The following WNT9B variants were observed in gnomAD, a reference collection of about 807,000 sequenced individuals.
WNT9B encodes protein Wnt-9b.
A neutral mutation model predicts 30.2 loss-of-function variants in WNT9B; 12 were observed. That is an observed-to-expected ratio of 0.40 (90% CI 0.26 to 0.64). The LOEUF is 0.64. Ranked by LOEUF, WNT9B falls within the 30% of genes least tolerant of loss-of-function variation. The probability of loss-of-function intolerance (pLI) is 0.42; values close to 1 mark genes in which losing one functional copy is unlikely to be tolerated. For missense variants in WNT9B, 442 were observed against 485.2 expected, an observed-to-expected ratio of 0.91 and a Z score of 0.84; for synonymous variants, 218 against 216.9, an observed-to-expected ratio of 1.01 and a Z score of -0.05.
chr17:46,881,241 G>A (rs1166008637), downstream of WNT9B, among the ~76,000 whole-genome samples: 2 of 152,226 alleles, frequency 1.3e-5, no homozygotes, highest in Non-Finnish European at 2.9e-5. Context: ...GCGGGAGGCA[G>A]AGGTGGGCCC....
In WNT9B at chr17:46,851,753, T is replaced by TG; in HGVS notation, c.77+39dup. Reference sequence around the variant, plus strand: ...CGCGCCCCCCGCCCGCTCCCCGGCCTGCCTGTCTCTCCCTCCTGCGCTACA... The same window carrying TG: ...CGCGCCCCCCGCCCGCTCCCCGGCCTGGCCTGTCTCTCCCTCCTGCGCTACA... On this transcript the variant is annotated intron_variant, in intron 1 of 3. Coordinates refer to ENST00000290015, the MANE Select transcript of WNT9B (RefSeq NM_003396.3). This position sits in a 1 kb window ranked among gnomAD's most constrained non-coding sequence, Gnocchi z 4.3. The TG allele has an allele frequency of 9.2e-7, 1 of 1,083,476 alleles. No homozygotes were observed. Among genetic ancestry groups the TG allele is most frequent in the African/African-American group, 1.7e-5 (1 of 60,092 alleles). 67.1% of individuals were successfully genotyped at this position (1,083,476 alleles called of 1,614,324 possible).
chr17:46,851,443 C>T, upstream of WNT9B: 1 of 296,814 alleles, frequency 3.4e-6, no homozygotes, highest in Non-Finnish European at 6.1e-6. The surrounding 1 kb of genome is among the most constrained non-coding windows in gnomAD (Gnocchi z 4.3). Flanking sequence ...CCACCCGCGA[C>T]GGGGCGGGGC....
chr17:46,855,526 C>A (rs536146487), intron 1 of WNT9B, among the ~76,000 whole-genome samples: 2 of 152,300 alleles, frequency 1.3e-5, no homozygotes, highest in African/African-American at 4.8e-5. Context: ...TTCCCTAATG[C>A]TAACAGGGCT....
chr17:46,860,958 A>G (rs1267044577), intron 1 of WNT9B, among the ~76,000 whole-genome samples: 2 of 152,178 alleles, frequency 1.3e-5, no homozygotes, highest in African/African-American at 4.8e-5. Flanking sequence ...TCCTGACCTC[A>G]AGCAGTCCTC....
chr17:46,865,854 C>T (rs1036141815), intron 1 of WNT9B, among the ~76,000 whole-genome samples: 1 of 152,168 alleles, frequency 6.6e-6, no homozygotes, highest in African/African-American at 2.4e-5. Flanking sequence ...TCAAGTGATT[C>T]ACCTGCCTTG....
Position 46,877,150 on chromosome 17 carries a change from G to T in WNT9B, c.*432G>T. The T allele has an allele frequency of 1.1e-6, 1 of 940,030 alleles. No homozygotes were observed. The highest frequency in any genetic ancestry group is 1.3e-6 in the Non-Finnish European group (1 of 788,564). The allele number at this position is 940,030 out of a possible 1,614,324, so 58.2% of individuals were successfully genotyped here. A position where few individuals can be genotyped will look rare whatever the true frequency, so the allele number is the denominator to read the frequency against. ...ATGCCAAGGCAGGCAGTGCCAGCTGGAAGTGAAGGCGGGAGCCTGGCTGAG... is the reference window on the plus strand; with the variant it reads ...ATGCCAAGGCAGGCAGTGCCAGCTGTAAGTGAAGGCGGGAGCCTGGCTGAG... On this transcript the variant is annotated 3_prime_UTR_variant, in exon 4 of 4. Transcript: ENST00000290015.
At chr17:46,870,605 G>T (rs1330502391) in intron 1 of WNT9B, among the ~76,000 whole-genome samples, 1 of 152,230 alleles carries the variant, frequency 6.6e-6, no homozygotes, top group African/African-American at 2.4e-5. Context: ...GCACCTGATG[G>T]GTGTGGAATC....
chr17:46,874,922 G>A (rs1324871726), intron 2 of WNT9B, 179 bp from the exon 3 acceptor site: 4 of 912,996 alleles, frequency 4.4e-6, no homozygotes, highest in South Asian at 1.4e-5. Flanking sequence ...AATTTAAGGG[G>A]CAGTTGACAG....
downstream of WNT9B, among the ~76,000 whole-genome samples, chr17:46,883,555 G>C (rs570868647): frequency 1.2e-3 from 183 of 152,330 alleles, no homozygotes; most frequent in African/African-American, 4.2e-3. Flanking sequence ...AAAGTGCTGG[G>C]ATTACAGGCG....
chr17:46,867,692 G>C (rs551242091), intron 1 of WNT9B, among the ~76,000 whole-genome samples: 1 of 152,070 alleles, frequency 6.6e-6, no homozygotes, highest in South Asian at 2.1e-4. Flanking sequence ...AGCCACAATT[G>C]TGGGTGGGGT....
In WNT9B at chr17:46,872,656, G is replaced by A. The variant is rs781051102; in HGVS notation, c.217G>A (p.Gly73Ser). The A allele has an allele frequency of 2.5e-5, 40 of 1,613,572 alleles. No individual in the cohort carries two copies. Among genetic ancestry groups the A allele is most frequent in the Middle Eastern group, 3.4e-4 (2 of 5,798 alleles). The change falls in exon 2 of 4, where the codon GGC (glycine) becomes AGC (serine). Residue 73 changes from glycine (G) to serine (S), a missense_variant. Gly to Ser is a moderately conservative substitution (Grantham distance 56). Transcript: ENST00000290015. ...RQKQLCRREP[G>S]LAETLRDAAH... ...GAAGCAGCTCTGCCGGAGGGAGCCCGGCCTGGCTGAGACCCTGAGGGATGC... is the reference window on the plus strand; with the variant it reads ...GAAGCAGCTCTGCCGGAGGGAGCCCAGCCTGGCTGAGACCCTGAGGGATGC...
intron 1 of WNT9B, among the ~76,000 whole-genome samples, chr17:46,833,791 G>C (rs1354776348): frequency 5.3e-5 from 8 of 152,180 alleles, no homozygotes; most frequent in African/African-American, 1.9e-4. Context: ...GAAACTGCTG[G>C]GGGCTCCTGA....
At position 46,851,757 on chromosome 17, in the gene WNT9B, T is replaced by C; in HGVS notation, c.77+42T>C. On this transcript the variant is annotated intron_variant, in intron 1 of 3. Transcript: ENST00000290015. The surrounding 1 kb of genome is among the most constrained non-coding windows in gnomAD (Gnocchi z 4.3). ...CCCCCCGCCCGCTCCCCGGCCTGCC[T>C]GTCTCTCCCTCCTGCGCTACAGCTG... 9.6e-7 allele frequency: 1 copy of C among 1,038,534 alleles called. No homozygotes were observed. The highest frequency in any genetic ancestry group is 1.2e-6 in the Non-Finnish European group (1 of 806,704). The allele number at this position is 1,038,534 out of a possible 1,614,324, so 64.3% of individuals were successfully genotyped here. A position where few individuals can be genotyped will look rare whatever the true frequency, so the allele number is the denominator to read the frequency against.
rs78421212 is a variant in WNT9B at position 46,855,616 on chromosome 17, C to G, written c.77+3901C>G. Among the ~76,000 whole-genome samples the G allele has an allele frequency of 7.1e-3, 1,081 of 152,322 alleles. 15 individuals carry two copies. Among genetic ancestry groups the G allele is most frequent in the African/African-American group, 0.024 (995 of 41,580 alleles). On this transcript the variant is annotated intron_variant, in intron 1 of 3. Coordinates refer to ENST00000290015, the MANE Select transcript of WNT9B (RefSeq NM_003396.3). ...TGCCTAGGAATTCCACAAATGTTAA[C>G]TTCTGTGATGTTGTATAAATGAAAA...
intron 1 of WNT9B, among the ~76,000 whole-genome samples, chr17:46,867,242 C>G (rs1314877198): frequency 6.6e-6 from 1 of 152,228 alleles, no homozygotes; most frequent in Non-Finnish European, 1.5e-5. Flanking sequence ...ATGGTAGATG[C>G]TCACTAATGA....
Position 46,872,560 on chromosome 17 carries a change from A to G in WNT9B, c.121A>G (p.Thr41Ala). The change falls in exon 2 of 4, where the codon ACT becomes GCT. Residue 41 changes from threonine to alanine, a missense_variant. Transcript: ENST00000290015. The stretch of plus-strand genomic sequence containing the variant: ...CCTGACGCCCTTCCCAGGATTGGGC[A>G]CTGCGGCAGCCCCGGCACAGGGCGG... ...EVLTPFPGLGTAAAPAQGGAH... is the reference protein window; with the variant it reads ...EVLTPFPGLGAAAAPAQGGAH... 1 of 1,587,274 alleles carries G rather than the reference A, an allele frequency of 6.3e-7. No homozygotes were observed. The highest frequency in any genetic ancestry group is 8.6e-7 in the Non-Finnish European group (1 of 1,164,764).
chr17:46,858,693 G>T (rs1180124278), intron 1 of WNT9B, among the ~76,000 whole-genome samples: 9 of 152,140 alleles, frequency 5.9e-5, no homozygotes, highest in African/African-American at 2.2e-4. Flanking sequence ...TAGGATGGGT[G>T]TAAATAGTTC....
At chr17:46,834,641 G>T (rs2084603312) in intron 1 of WNT9B, among the ~76,000 whole-genome samples, 1 of 152,122 alleles carries the variant, frequency 6.6e-6, no homozygotes, top group Admixed American at 6.5e-5. Flanking sequence ...CACAGGCTTG[G>T]TCCTTCTCGC....
intron 2 of WNT9B, among the ~76,000 whole-genome samples, chr17:46,873,063 C>T (rs2085278866): frequency 1.3e-5 from 2 of 149,836 alleles, no homozygotes; most frequent in African/African-American, 5.0e-5. Context: ...GATGGGGTCC[C>T]CCAGTTGTCT....
Sources: allele counts gnomAD v4.1 joint callset (sites outside exome capture counted in the v4.1 genomes callset), GRCh38; gene constraint gnomAD v4.1.1; non-coding constraint Gnocchi (gnomAD v3.1); transcripts MANE v1.5; gene names NCBI Gene and HGNC (gene_info 2026-07-23, HGNC 2026-07-21).